Variants in CERT1 observed in about 807,000 individuals in gnomAD.
CERT1 encodes ceramide transporter 1, also known as ceramide transfer protein.
Under a neutral mutation model 87.9 loss-of-function variants are expected in CERT1, and 31 were observed. The observed-to-expected ratio is 0.35, with a 90% CI of 0.27 to 0.48. CERT1 has a LOEUF of 0.48. Ranked by LOEUF, CERT1 falls within the 20% of genes least tolerant of loss-of-function variation. CERT1 has a pLI of 0.99. For synonymous variants in CERT1, 289 were observed against 250.9 expected (o/e 1.15, Z -1.44); for missense variants, 487 against 758.0 (o/e 0.64, Z 4.20).
chr5:75,381,926 C>CT, intron 15 of CERT1, 23 bp downstream of exon 15: 2 of 1,598,622 alleles, frequency 1.3e-6, no homozygotes, highest in Non-Finnish European at 1.7e-6. Flanking sequence ...TTTAATTATA[C>CT]ACATTTATAT....
At chr5:75,474,594 T>TG (rs1164118621) in intron 2 of CERT1, among the ~76,000 whole-genome samples, 1 of 152,038 alleles carries the variant, frequency 6.6e-6, no homozygotes, top group Non-Finnish European at 1.5e-5. Flanking sequence ...GCCTGCCCAG[T>TG]GGATGATAGT....
At chr5:75,441,173 T>C (rs1326819311) in intron 3 of CERT1, among the ~76,000 whole-genome samples, 1 of 152,224 alleles carries the variant, frequency 6.6e-6, no homozygotes, top group Non-Finnish European at 1.5e-5. Flanking sequence ...ATTTTTATTG[T>C]ACCTTTTCTA....
chr5:75,467,298 G>A (rs190085052), intron 2 of CERT1, among the ~76,000 whole-genome samples: 84 of 152,232 alleles, frequency 5.5e-4, no homozygotes, highest in African/African-American at 1.9e-3. Context: ...GGTTTCCAGC[G>A]GTTAGGGATT....
chr5:75,474,295 C>T (rs951907362), intron 2 of CERT1, among the ~76,000 whole-genome samples: 1 of 152,110 alleles, frequency 6.6e-6, no homozygotes, highest in Non-Finnish European at 1.5e-5. Flanking sequence ...AAATTGTGCA[C>T]TTGAGGAGCT....
chr5:75,503,410 AT>A (rs1415853571), intron 2 of CERT1, among the ~76,000 whole-genome samples: 1 of 152,024 alleles, frequency 6.6e-6, no homozygotes, highest in Non-Finnish European at 1.5e-5. Flanking sequence ...GCCTATTAAA[AT>A]TTAATGAGGA....
At chr5:75,466,455 C>A (rs57149337) in intron 2 of CERT1, among the ~76,000 whole-genome samples, 57,797 of 152,008 alleles carry the variant, frequency 0.38, 14,331 homozygotes, top group African/African-American at 0.71. Flanking sequence ...GTGGGATATT[C>A]GAGTATAAGA....
At chr5:75,373,479 T>C (rs1421927294), downstream of CERT1, 1 of 152,100 alleles carries the variant, frequency 6.6e-6, no homozygotes, top group Non-Finnish European at 1.5e-5. Flanking sequence ...AACTAAAAAA[T>C]ATAATAGAAA....
chr5:75,395,644 T>C (rs564904483), intron 11 of CERT1, among the ~76,000 whole-genome samples: 9 of 150,834 alleles, frequency 6.0e-5, no homozygotes, highest in Non-Finnish European at 1.0e-4. Context: ...GGCAGATCAC[T>C]TGAGGTCAGG....
rs935598258 is a variant in CERT1, at chr5:75,377,996, C to T, written c.*1350G>A. Reference sequence around the variant, plus strand: ...ATCTTGCTATGTTATCCAGGCTAGACTTGAACTCCTGGCCTCAAGCCATTC... The same window carrying T: ...ATCTTGCTATGTTATCCAGGCTAGATTTGAACTCCTGGCCTCAAGCCATTC... On this transcript the variant is annotated 3_prime_UTR_variant, in exon 17 of 17. Coordinates refer to ENST00000643780, the MANE Select transcript of CERT1 (RefSeq NM_001379029.1). 6.6e-6 allele frequency: 1 copy of T among 152,274 alleles called. No homozygotes were observed. Among genetic ancestry groups the T allele is most frequent in the African/African-American group, 2.4e-5 (1 of 41,456 alleles). 9.4% of individuals were successfully genotyped at this position (152,274 alleles called of 1,614,324 possible).
Position 75,379,477 on chromosome 5 carries a change from C to T in CERT1, c.1748-4G>A, listed in dbSNP as rs190220472. 162 of 1,606,810 alleles carry T rather than the reference C, an allele frequency of 1.0e-4. No individual in the cohort carries two copies. Among genetic ancestry groups the T allele is most frequent in the Middle Eastern group, 8.3e-4 (5 of 6,014 alleles). ...GGTGCCCATCCTCCAGGGTTCACTG[C>T]AAGATAAAGGAAAATTAAAATGTAT... On this transcript the variant is annotated splice_polypyrimidine_tract_variant and splice_region_variant and intron_variant, in intron 16 of 16. Coordinates refer to ENST00000643780, the MANE Select transcript of CERT1 (RefSeq NM_001379029.1).
At chr5:75,457,369 G>C (rs1489406653) in intron 3 of CERT1, among the ~76,000 whole-genome samples, 3 of 152,150 alleles carry the variant, frequency 2.0e-5, no homozygotes, top group Non-Finnish European at 4.4e-5. Flanking sequence ...ACTAAGAAGA[G>C]GTTAATTAAC....
intron 2 of CERT1, among the ~76,000 whole-genome samples, chr5:75,494,852 C>A (rs1327828167): frequency 2.0e-5 from 3 of 152,138 alleles, no homozygotes; most frequent in Non-Finnish European, 4.4e-5. Flanking sequence ...AGCCCCATTT[C>A]TTTTCTTCAT....
intron 11 of CERT1, among the ~76,000 whole-genome samples, chr5:75,393,013 GA>G (rs1379437476): frequency 8.6e-6 from 1 of 115,882 alleles, no homozygotes; most frequent in Non-Finnish European, 1.8e-5. Context: ...GGGAAACAAG[GA>G]AATACTAAGT....
intron 3 of CERT1, among the ~76,000 whole-genome samples, chr5:75,443,888 A>C (rs1764423001): frequency 6.6e-6 from 1 of 152,164 alleles, no homozygotes; most frequent in South Asian, 2.1e-4. Context: ...ATTAATACAC[A>C]ATGTCCTTAT....
chr5:75,490,766 G>A (rs1263568599), intron 2 of CERT1, among the ~76,000 whole-genome samples: 1 of 152,136 alleles, frequency 6.6e-6, no homozygotes, highest in Non-Finnish European at 1.5e-5. Context: ...CCAAAGTGCT[G>A]GGATTACAGG....
Position 75,385,895 on chromosome 5 carries a change from A to G in CERT1, c.1417+7T>C, listed in dbSNP as rs1184764817. 1 of 1,486,876 alleles carries G rather than the reference A, an allele frequency of 6.7e-7. No individual in the cohort carries two copies. Among genetic ancestry groups the G allele is most frequent in the African/African-American group, 1.4e-5 (1 of 69,836 alleles). The allele number at this position is 1,486,876 out of a possible 1,614,324, so 92.1% of individuals were successfully genotyped here. A position where few individuals can be genotyped will look rare whatever the true frequency, so the allele number is the denominator to read the frequency against. On this transcript the variant is annotated splice_region_variant and intron_variant, in intron 13 of 16. Coordinates refer to ENST00000643780, the MANE Select transcript of CERT1 (RefSeq NM_001379029.1). ...TAGATTAAAATATATTAATAATGACAGCTTACTTTCCCAGTCATTGCGAAC... is the reference window on the plus strand; with the variant it reads ...TAGATTAAAATATATTAATAATGACGGCTTACTTTCCCAGTCATTGCGAAC...
Position 75,384,691 on chromosome 5 carries a change from A to G in CERT1, c.1439T>C (p.Val480Ala), listed in dbSNP as rs1239593876. 1.2e-6 allele frequency: 2 copies of G among 1,602,474 alleles called. No homozygotes were observed. Among genetic ancestry groups the G allele is most frequent in the Non-Finnish European group, 1.7e-6 (2 of 1,169,814 alleles). Residue 480 changes from valine (V) to alanine (A), a missense_variant, in exon 14 of 17, where the codon GTG becomes GCG. Coordinates refer to ENST00000643780, the MANE Select transcript of CERT1 (RefSeq NM_001379029.1). ...DWETTIENFH[V>A]VETLADNAII... The stretch of plus-strand genomic sequence containing the variant: ...TGCATTATCAGCTAATGTTTCCACC[A>G]CATGAAAGTTTTCTATAGTTGCTGA...
intron 2 of CERT1, among the ~76,000 whole-genome samples, chr5:75,460,592 A>G (rs1765183072): frequency 6.6e-6 from 1 of 152,242 alleles, no homozygotes; most frequent in African/African-American, 2.4e-5. Context: ...TACAGTAGAG[A>G]GAGTCAATCA....
chr5:75,425,470 A>G lies in CERT1; in HGVS notation c.486T>C (p.Ala162=). The G allele has an allele frequency of 1.2e-6, 2 of 1,613,972 alleles. No individual in the cohort carries two copies. Among genetic ancestry groups the G allele is most frequent in the Non-Finnish European group, 1.7e-6 (2 of 1,179,958 alleles). ...AGATGTCTCTAAATGTTTCCATTTC[A>G]GCCAACTTCTCACGTAAACTGTGGC... The part of the protein sequence containing the change: ...KKGHSLREKL[A]EMETFRDILC... The change falls in exon 5 of 17, where the codon GCT becomes GCC. Residue 162 remains alanine (A), a synonymous_variant. Coordinates refer to ENST00000643780, the MANE Select transcript of CERT1 (RefSeq NM_001379029.1).
Sources: gnomAD v4.1 joint callset for allele counts (sites outside exome capture counted in the v4.1 genomes callset) on GRCh38, gnomAD v4.1.1 for gene constraint, MANE v1.5 for transcripts, NCBI Gene and HGNC (gene_info 2026-07-23, HGNC 2026-07-21) for gene names.